The following TRIM2 variants were observed in gnomAD, a reference collection of about 807,000 sequenced individuals.
TRIM2 encodes the protein tripartite motif containing 2.
In TRIM2, 20 loss-of-function variants were observed where a neutral mutation model predicts 75.2. That is an observed-to-expected ratio of 0.27 (90% confidence interval 0.19 to 0.39). The LOEUF (loss-of-function observed/expected upper bound fraction) is 0.39. Among genes scored for constraint, TRIM2 ranks in the 10% least tolerant of loss-of-function variants. TRIM2 has a pLI of 1.00. For missense variants in TRIM2, 660 were observed against 990.8 expected (o/e 0.67, Z 4.48); for synonymous variants, 373 against 388.3 (o/e 0.96, Z 0.46).
At chr4:153,255,287 C>G (rs1422790107) in intron 1 of TRIM2, among the ~76,000 whole-genome samples, 2 of 152,220 alleles carry the variant, frequency 1.3e-5, no homozygotes, top group Non-Finnish European at 2.9e-5. Context: ...CATCCTCTGG[C>G]TGGAAGCCCA....
At chr4:153,184,816 A>T (rs187209445) in intron 1 of TRIM2, among the ~76,000 whole-genome samples, 2 of 152,204 alleles carry the variant, frequency 1.3e-5, no homozygotes, top group Non-Finnish European at 2.9e-5. Context: ...AAACCTCATC[A>T]GAAGGAAAGC....
chr4:153,241,018 A>C (rs1746419848), intron 1 of TRIM2, among the ~76,000 whole-genome samples: 1 of 152,236 alleles, frequency 6.6e-6, no homozygotes, highest in African/African-American at 2.4e-5. Context: ...CGGAGGTTGC[A>C]GTGAGCCGAG....
At chr4:153,317,325 A>G (rs753851583) in intron 8 of TRIM2, among the ~76,000 whole-genome samples, 6 of 151,804 alleles carry the variant, frequency 4.0e-5, no homozygotes, top group Non-Finnish European at 7.4e-5. Context: ...TTGAGCTTCA[A>G]TAGCCTTGTT....
chr4:153,291,697 T>C (rs762707646), intron 3 of TRIM2, among the ~76,000 whole-genome samples: 20 of 152,180 alleles, frequency 1.3e-4, no homozygotes, highest in Non-Finnish European at 2.8e-4. Flanking sequence ...TACTGAAAGT[T>C]CGTCATTGTC....
At chr4:153,273,016 T>C (rs574257615) in intron 2 of TRIM2, among the ~76,000 whole-genome samples, 61 of 151,772 alleles carry the variant, frequency 4.0e-4, no homozygotes, top group Middle Eastern at 3.4e-3. Flanking sequence ...TTTTTGTATT[T>C]TTAGTAGAGA....
At chr4:153,328,012 A>T (rs1296037654) in intron 10 of TRIM2, among the ~76,000 whole-genome samples, 4 of 152,180 alleles carry the variant, frequency 2.6e-5, no homozygotes, top group African/African-American at 7.2e-5. Context: ...AATTTCTCCC[A>T]TTCTAAGTAT....
rs898757005 is a variant in TRIM2 at position 153,248,389 on chromosome 4, G to A, written c.31-21946G>A. Among the ~76,000 whole-genome samples the A allele has an allele frequency of 2.0e-5, 3 of 152,164 alleles. No individual in the cohort carries two copies. Among genetic ancestry groups the A allele is most frequent in the East Asian group, 1.9e-4 (1 of 5,192 alleles). On this transcript the variant is annotated intron_variant, in intron 1 of 11. Transcript: ENST00000338700. The surrounding 1 kb of genome is among the most constrained non-coding windows in gnomAD (Gnocchi z 4.0). ...CCTTGTCATCCCCCGTACACTTGAG[G>A]TAATTGAGGAATACAGGTTAAATTA...
chr4:153,257,723 T>G (rs1752418232), intron 1 of TRIM2: 1 of 680,566 alleles, frequency 1.5e-6, no homozygotes, highest in Admixed American at 2.3e-5. Flanking sequence ...TGGGAGGATT[T>G]AATTCTTTGC....
At chr4:153,247,806 AAACT>A (rs1749677708) in intron 1 of TRIM2, among the ~76,000 whole-genome samples, 1 of 151,960 alleles carries the variant, frequency 6.6e-6, no homozygotes, top group Non-Finnish European at 1.5e-5. Context: ...GTGTTTTATT[AAACT>A]ATTCATATGC....
At chr4:153,188,573 A>C (rs1351850427) in intron 1 of TRIM2, among the ~76,000 whole-genome samples, 1 of 152,178 alleles carries the variant, frequency 6.6e-6, no homozygotes, top group Non-Finnish European at 1.5e-5. Context: ...CCATGCCCCA[A>C]GGCACCCATT....
intron 1 of TRIM2, among the ~76,000 whole-genome samples, chr4:153,221,129 G>A (rs1739852088): frequency 1.3e-5 from 2 of 152,176 alleles, no homozygotes; most frequent in South Asian, 2.1e-4. Context: ...AAAATGTGGT[G>A]TATTTATATA....
Position 153,237,182 on chromosome 4 carries a change from A to C in TRIM2, c.30+32622A>C, listed in dbSNP as rs557197052. ...AAATTAAGGTTTAACTTGTCTTTTG[A>C]CTCTTAAATATATTTCTTCTACATG... On this transcript the variant is annotated intron_variant, in intron 1 of 11. Transcript: ENST00000338700. 2.4e-3 allele frequency among the ~76,000 whole-genome samples: 369 copies of C among 151,780 alleles called. 3 individuals carry two copies. Among genetic ancestry groups the C allele is most frequent in the African/African-American group, 8.8e-3 (364 of 41,316 alleles).
chr4:153,292,646 G>C (rs1762051140), intron 3 of TRIM2, among the ~76,000 whole-genome samples: 1 of 152,160 alleles, frequency 6.6e-6, no homozygotes, highest in Admixed American at 6.5e-5. Context: ...ATACACGAAA[G>C]CTCTTTTGGA....
intron 1 of TRIM2, among the ~76,000 whole-genome samples, chr4:153,240,404 GTA>G (rs572732652): frequency 1.2e-4 from 18 of 152,146 alleles, no homozygotes; most frequent in Non-Finnish European, 2.1e-4. Context: ...AAGAGGTTTT[GTA>G]TCACAGTTTA....
In TRIM2 at chr4:153,274,324, G is replaced by T. The variant is rs186776290; in HGVS notation, c.216-1569G>T. On this transcript the variant is annotated intron_variant, in intron 2 of 11. Coordinates refer to ENST00000338700, the MANE Select transcript of TRIM2 (RefSeq NM_015271.5). ...GCATTTGGACATGCTTTGGTGATGG[G>T]TTGGATATGGAAAATGAAGGACAGT... 1.2e-3 allele frequency among the ~76,000 whole-genome samples: 182 copies of T among 152,326 alleles called. 1 individual carries two copies. Among genetic ancestry groups the T allele is most frequent in the African/African-American group, 4.0e-3 (167 of 41,574 alleles).
intron 3 of TRIM2, among the ~76,000 whole-genome samples, chr4:153,281,151 T>G (rs1759250255): frequency 6.6e-6 from 1 of 152,206 alleles, no homozygotes; most frequent in South Asian, 2.1e-4. Context: ...TCAAATTAAC[T>G]ACAAATTTTT....
chr4:153,234,878 A>C (rs1010316561), intron 1 of TRIM2, among the ~76,000 whole-genome samples: 4 of 152,300 alleles, frequency 2.6e-5, no homozygotes, highest in African/African-American at 9.6e-5. Context: ...CCAACTCAGC[A>C]TGTCCAAAGT....
chr4:153,245,977 C>G (rs1337014756), intron 1 of TRIM2, among the ~76,000 whole-genome samples: 1 of 152,190 alleles, frequency 6.6e-6, no homozygotes, highest in Non-Finnish European at 1.5e-5. Flanking sequence ...CCACACCCAG[C>G]CCCTTTACCT....
intron 1 of TRIM2, among the ~76,000 whole-genome samples, chr4:153,217,152 A>G (rs1738700691): frequency 6.6e-6 from 1 of 152,118 alleles, no homozygotes; most frequent in Non-Finnish European, 1.5e-5. Context: ...AATTTGTAAA[A>G]TGTTTTGGGG....
Sources: gnomAD v4.1 joint callset for allele counts (sites outside exome capture counted in the v4.1 genomes callset) on GRCh38, gnomAD v4.1.1 for gene constraint, Gnocchi (gnomAD v3.1) non-coding constraint, MANE v1.5 for transcripts, NCBI Gene and HGNC (gene_info 2026-07-23, HGNC 2026-07-21) for gene names.